Variants in GAS7 observed in about 807,000 individuals in gnomAD.
GAS7 encodes the protein growth arrest specific 7, also known as growth arrest-specific protein 7.
A neutral mutation model predicts 71.1 loss-of-function variants in GAS7; 28 were observed. That is an observed-to-expected ratio of 0.39 (90% CI 0.29 to 0.54). The LOEUF (loss-of-function observed/expected upper bound fraction) is 0.54, where lower values mean the gene tolerates loss of function less well. GAS7 is among the 20% of genes least tolerant of loss of function. The probability of loss-of-function intolerance (pLI) is 0.62; values close to 1 mark genes in which losing one functional copy is unlikely to be tolerated. For synonymous variants in GAS7, 258 were observed against 245.8 expected, an observed-to-expected ratio of 1.05 and a Z score of -0.46; for missense variants, 436 against 627.8, an observed-to-expected ratio of 0.69 and a Z score of 3.27.
intron 1 of GAS7, among the ~76,000 whole-genome samples, chr17:10,132,601 A>G (rs2074005543): frequency 6.6e-6 from 1 of 152,108 alleles, no homozygotes; most frequent in South Asian, 2.1e-4. Flanking sequence ...CCCCGTCTCT[A>G]CTAAAAATAC....
At chr17:10,018,684 CTTT>C (rs1159797345) in intron 2 of GAS7, among the ~76,000 whole-genome samples, 1 of 152,210 alleles carries the variant, frequency 6.6e-6, no homozygotes, top group Non-Finnish European at 1.5e-5. Context: ...CAGCTGCCTT[CTTT>C]GTGTCTCTGC....
At chr17:10,064,158 A>C (rs1397186791) in intron 1 of GAS7, among the ~76,000 whole-genome samples, 1 of 151,912 alleles carries the variant, frequency 6.6e-6, no homozygotes, top group Non-Finnish European at 1.5e-5. Context: ...AATCCCCTAC[A>C]CCTTCTGGGG....
At position 9,925,498 on chromosome 17, in the gene GAS7, C is replaced by T. The variant is rs376724884; in HGVS notation, c.1116G>A (p.Ala372=). 58 of 1,614,164 alleles carry T rather than the reference C, an allele frequency of 3.6e-5. No homozygotes were observed. The highest frequency in any genetic ancestry group is 1.9e-4 in the African/African-American group (14 of 75,054). Residue 372 remains alanine, a synonymous_variant, in exon 11 of 14, where the codon GCG becomes GCA. Coordinates refer to ENST00000432992, the MANE Select transcript of GAS7 (RefSeq NM_201433.2). The part of the protein sequence containing the change: ...SNKTEEDIKK[A]RRKSTQAGDD... ...TACCAGCCTGTGTGGACTTTCTCCGCGCCTTCTTGATGTCCTCCTCTGTCT... is the reference window on the plus strand; with the variant it reads ...TACCAGCCTGTGTGGACTTTCTCCGTGCCTTCTTGATGTCCTCCTCTGTCT...
At chr17:10,003,957 C>T (rs773797983) in intron 2 of GAS7, among the ~76,000 whole-genome samples, 4 of 152,194 alleles carry the variant, frequency 2.6e-5, no homozygotes, top group Non-Finnish European at 4.4e-5. Flanking sequence ...CTTCCTCCAA[C>T]AATAACAATC....
chr17:9,917,897 G>T, intron 13 of GAS7, 104 bp downstream of exon 13: 1 of 781,052 alleles, frequency 1.3e-6, no homozygotes, highest in Non-Finnish European at 2.1e-6. Context: ...CCGCCTTTAG[G>T]GCAGATTCAC....
intron 1 of GAS7, among the ~76,000 whole-genome samples, chr17:10,128,813 T>G (rs982871961): frequency 3.3e-5 from 5 of 150,096 alleles, no homozygotes; most frequent in East Asian, 2.0e-4. Flanking sequence ...TAGACATGGG[T>G]TTTCACCGTG....
At chr17:9,947,021 A>G in intron 5 of GAS7, 38 bp from the exon 6 acceptor site, 1 of 1,401,632 alleles carries the variant, frequency 7.1e-7, no homozygotes, top group Non-Finnish European at 1.0e-6. Flanking sequence ...ACCCCGCTGG[A>G]GACTGGAATA....
rs2067531520 is a variant in GAS7, at chr17:9,914,584, AT to A, written c.*2643del. 4.9e-6 allele frequency: 1 copy of A among 204,740 alleles called. No homozygotes were observed. The highest frequency in any genetic ancestry group is 1.9e-4 in the South Asian group (1 of 5,262). The allele number at this position is 204,740 out of a possible 1,614,324, so 12.7% of individuals were successfully genotyped here. On this transcript the variant is annotated 3_prime_UTR_variant, in exon 14 of 14. Transcript: ENST00000432992. ...GAAATTTCTGAAATTCGAATTGGAT[AT>A]GGGCCGTGAGGGTCTGGTGACCAGG...
intron 9 of GAS7, among the ~76,000 whole-genome samples, chr17:9,928,143 C>T (rs190491768): frequency 1.3e-5 from 2 of 151,488 alleles, no homozygotes; most frequent in East Asian, 1.9e-4. Context: ...GACAGAGTCT[C>T]GCTCTGTCGC....
At chr17:10,017,794 G>A (rs928224784) in intron 2 of GAS7, among the ~76,000 whole-genome samples, 1 of 152,166 alleles carries the variant, frequency 6.6e-6, no homozygotes, top group African/African-American at 2.4e-5. Context: ...GAGACCATGT[G>A]ACCCTCAAAG....
intron 8 of GAS7, among the ~76,000 whole-genome samples, chr17:9,939,292 A>T (rs1356649632): frequency 1.3e-5 from 2 of 152,138 alleles, no homozygotes; most frequent in Non-Finnish European, 2.9e-5. Context: ...TTTACCCACT[A>T]GGAGTCCTTC....
chr17:10,079,824 C>A (rs553268964), intron 1 of GAS7, among the ~76,000 whole-genome samples: 1 of 152,332 alleles, frequency 6.6e-6, no homozygotes, highest in Non-Finnish European at 1.5e-5. Flanking sequence ...CAGAGTTTCA[C>A]TCTTTTCATT....
rs1388244461 is a variant in GAS7 at position 9,959,666 on chromosome 17, A to T, written c.472-411T>A. Among the ~76,000 whole-genome samples, 1 of 152,176 alleles carries T rather than the reference A, an allele frequency of 6.6e-6. No homozygotes were observed. Among genetic ancestry groups the T allele is most frequent in the Non-Finnish European group, 1.5e-5 (1 of 68,042 alleles). ...CACCTCCTGGCACTGAGGAATCAGC[A>T]CACGACATTTTATTCTGAAACCCCC... On this transcript the variant is annotated intron_variant, in intron 4 of 13. Coordinates refer to ENST00000432992, the MANE Select transcript of GAS7 (RefSeq NM_201433.2). This position sits in a 1 kb window ranked among gnomAD's most constrained non-coding sequence, Gnocchi z 5.0.
At position 10,019,763 on chromosome 17, in the gene GAS7, C is replaced by T. The variant is rs761064462; in HGVS notation, c.304+14G>A. ...AGGGGGTTGGTGCAGGATTCTCCCC[C>T]GAGCGGGACTCACCATTGGTGGTCG... is the stretch of plus-strand genomic sequence containing the variant. On this transcript the variant is annotated intron_variant, in intron 2 of 13. Transcript: ENST00000432992. 19 of 1,609,128 alleles carry T rather than the reference C, an allele frequency of 1.2e-5. No individual in the cohort carries two copies. The highest frequency in any genetic ancestry group is 1.8e-4 in the Middle Eastern group (1 of 5,630).
At chr17:10,085,245 A>ACCAG (rs1273837649) in intron 1 of GAS7, among the ~76,000 whole-genome samples, 1 of 152,168 alleles carries the variant, frequency 6.6e-6, no homozygotes, top group East Asian at 1.9e-4. Context: ...ACATCACCCA[A>ACCAG]CCAGCCCAAG....
At chr17:10,110,141 T>C (rs2073797149) in intron 1 of GAS7, among the ~76,000 whole-genome samples, 1 of 149,818 alleles carries the variant, frequency 6.7e-6, no homozygotes. Flanking sequence ...AATTATGGAA[T>C]CAACCTAAGT....
At chr17:10,150,134 AT>A (rs1156692455) in intron 1 of GAS7, among the ~76,000 whole-genome samples, 2 of 152,204 alleles carry the variant, frequency 1.3e-5, no homozygotes, top group African/African-American at 2.4e-5. Context: ...AAAGAAAAAA[AT>A]ATTAACTATT....
chr17:10,041,224 T>G (rs371528956), intron 1 of GAS7, among the ~76,000 whole-genome samples: 5 of 151,850 alleles, frequency 3.3e-5, no homozygotes, highest in East Asian at 1.9e-4. Context: ...GGCCAAGACC[T>G]TCACCTTCAG....
intron 1 of GAS7, among the ~76,000 whole-genome samples, chr17:10,165,278 C>T (rs1269882618): frequency 1.2e-4 from 15 of 125,202 alleles, no homozygotes; most frequent in East Asian, 7.4e-4. Context: ...TGCGACAGAG[C>T]GAGATTCCTT....
Sources: gnomAD v4.1 joint callset for allele counts (sites outside exome capture counted in the v4.1 genomes callset) on GRCh38, gnomAD v4.1.1 for gene constraint, Gnocchi (gnomAD v3.1) non-coding constraint, MANE v1.5 for transcripts, NCBI Gene and HGNC (gene_info 2026-07-23, HGNC 2026-07-21) for gene names.